DYSF: variants seen among roughly 807,000 people sequenced by gnomAD.
The protein encoded by DYSF is dysferlin, also known as dystrophy-associated fer-1-like 1.
In DYSF, 212 loss-of-function variants were observed where a neutral mutation model predicts 274.9. The ratio of observed to expected loss-of-function variants is 0.77; its 90% confidence interval spans 0.69 to 0.86. The LOEUF is 0.86. DYSF is among the 40% of genes least tolerant of loss of function. The pLI, the probability that DYSF is intolerant of heterozygous loss-of-function variation, is 0.00. For missense variants in DYSF, 2,666 were observed against 2,783.2 expected (o/e 0.96, Z 0.95); for synonymous variants, 1,091 against 1,078.7 (o/e 1.01, Z -0.22).
chr2:71,495,900 ACT>A (rs2084335992), intron 3 of DYSF, among the ~76,000 whole-genome samples: 1 of 150,028 alleles, frequency 6.7e-6, no homozygotes, highest in South Asian at 2.2e-4. Flanking sequence ...CATGGAGACC[ACT>A]CTCATTGGTG....
At chr2:71,612,428 G>A (rs542583317) in intron 38 of DYSF, among the ~76,000 whole-genome samples, 1 of 152,198 alleles carries the variant, frequency 6.6e-6, no homozygotes, top group Non-Finnish European at 1.5e-5. Flanking sequence ...GTAAAGCTGT[G>A]GGGGGAAAGC....
intron 6 of DYSF, among the ~76,000 whole-genome samples, 164 bp downstream of exon 6, chr2:71,513,496 A>G (rs1311614328): frequency 6.6e-6 from 1 of 152,186 alleles, no homozygotes; most frequent in East Asian, 1.9e-4. Flanking sequence ...CCTGTTGACT[A>G]ACTGGACTGA....
chr2:71,476,355 C>T (rs770325625), intron 1 of DYSF, among the ~76,000 whole-genome samples: 12 of 151,996 alleles, frequency 7.9e-5, no homozygotes, highest in Non-Finnish European at 1.6e-4. Flanking sequence ...AATTTGAGGC[C>T]AGCCTGGCCA....
upstream of DYSF, among the ~76,000 whole-genome samples, chr2:71,464,260 G>A (rs2081404658): frequency 6.6e-6 from 1 of 152,348 alleles, no homozygotes; most frequent in African/African-American, 2.4e-5. Context: ...TGGAGACCAT[G>A]CTTTGCACCA....
intron 51 of DYSF, among the ~76,000 whole-genome samples, chr2:71,671,742 C>G (rs1319193822): frequency 1.3e-5 from 2 of 152,128 alleles, no homozygotes; most frequent in African/African-American, 2.4e-5. Flanking sequence ...TCTGGGGACC[C>G]AGTTGTGGTT....
At chr2:71,501,892 T>A (rs910570449) in intron 3 of DYSF, among the ~76,000 whole-genome samples, 9 of 152,120 alleles carry the variant, frequency 5.9e-5, no homozygotes, top group Non-Finnish European at 1.3e-4. Flanking sequence ...CTGATTTCAA[T>A]TTTTTTGGGG....
chr2:71,569,518 A>G (rs1235443830), intron 26 of DYSF, among the ~76,000 whole-genome samples: 2 of 152,104 alleles, frequency 1.3e-5, no homozygotes, highest in South Asian at 2.1e-4. Flanking sequence ...ATAAAACTTT[A>G]TATTTTTACA....
rs776743681 is a variant in DYSF, at chr2:71,680,986, T to C, written c.6064-15T>C. ...AGCCTTCGTGCCCCTAACCAAGTGCTCTCTGTCCCCTCAGGGCAAGCTGGA... is the reference window on the plus strand; with the variant it reads ...AGCCTTCGTGCCCCTAACCAAGTGCCCTCTGTCCCCTCAGGGCAAGCTGGA... On this transcript the variant is annotated splice_polypyrimidine_tract_variant and intron_variant, in intron 53 of 55. Transcript: ENST00000410020. The C allele has an allele frequency of 1.2e-6, 2 of 1,613,400 alleles. No homozygotes were observed. The highest frequency in any genetic ancestry group is 2.2e-5 in the East Asian group (1 of 44,886).
intron 32 of DYSF, among the ~76,000 whole-genome samples, chr2:71,593,368 C>T (rs940253748): frequency 2.0e-5 from 3 of 152,044 alleles, no homozygotes; most frequent in East Asian, 1.9e-4. Context: ...TGACCTCAGG[C>T]GATTCACCCG....
chr2:71,523,559 T>G (rs1197674897), intron 12 of DYSF, among the ~76,000 whole-genome samples: 3 of 151,076 alleles, frequency 2.0e-5, no homozygotes, highest in Admixed American at 2.0e-4. Context: ...TTTTTTTTTT[T>G]TTTTTGAGAA....
At chr2:71,667,217 A>T (rs2095030354) in intron 47 of DYSF, among the ~76,000 whole-genome samples, 159 bp from the exon 48 acceptor site, 1 of 152,228 alleles carries the variant, frequency 6.6e-6, no homozygotes, top group Non-Finnish European at 1.5e-5. Flanking sequence ...AAAGTGAGAC[A>T]TGAGGACCAG....
intron 29 of DYSF, among the ~76,000 whole-genome samples, chr2:71,573,135 G>A (rs1280672603): frequency 1.3e-5 from 2 of 152,206 alleles, no homozygotes; most frequent in African/African-American, 2.4e-5. Flanking sequence ...GTAGCCTGTG[G>A]CATGACCTAG....
At chr2:71,543,744 C>G (rs888409723) in intron 17 of DYSF, among the ~76,000 whole-genome samples, 4 of 152,296 alleles carry the variant, frequency 2.6e-5, no homozygotes, top group Non-Finnish European at 4.4e-5. Flanking sequence ...CGCCTGCAAT[C>G]GCAGGCACTC....
intron 3 of DYSF, among the ~76,000 whole-genome samples, chr2:71,501,690 C>T (rs932836191): frequency 3.3e-5 from 5 of 152,196 alleles, no homozygotes; most frequent in African/African-American, 4.8e-5. Flanking sequence ...TTTCACTTTG[C>T]GGAATGTCTC....
chr2:71,686,203 C>T (rs60290461), intron 55 of DYSF, among the ~76,000 whole-genome samples: 14 of 152,194 alleles, frequency 9.2e-5, no homozygotes, highest in East Asian at 5.8e-4. Context: ...GGTGGAGTTT[C>T]GGAGGGTATG....
chr2:71,602,851 A>C (rs776030110), intron 36 of DYSF, 46 bp downstream of exon 36: 63 of 1,607,906 alleles, frequency 3.9e-5, no homozygotes, highest in Non-Finnish European at 1.8e-5. Context: ...AGGTAGAGGG[A>C]AGGTGAAGCC....
At chr2:71,492,327 G>A (rs2083925162) in intron 3 of DYSF, among the ~76,000 whole-genome samples, 1 of 152,182 alleles carries the variant, frequency 6.6e-6, no homozygotes, top group Admixed American at 6.5e-5. Context: ...ATAGCGGAGA[G>A]CTGGAGGGGC....
intron 43 of DYSF, among the ~76,000 whole-genome samples, chr2:71,658,248 C>A (rs1414590199): frequency 6.6e-6 from 1 of 152,190 alleles, no homozygotes; most frequent in African/African-American, 2.4e-5. Context: ...CCAACAAGTT[C>A]CCCATCTCTA....
At chr2:71,461,723 G>A (rs1294139716), upstream of DYSF, among the ~76,000 whole-genome samples, 1 of 152,234 alleles carries the variant, frequency 6.6e-6, no homozygotes, top group African/African-American at 2.4e-5. Context: ...GGAGAGGGTG[G>A]TGGTAAGACT....
Sources: allele counts gnomAD v4.1 joint callset (sites outside exome capture counted in the v4.1 genomes callset), GRCh38; gene constraint gnomAD v4.1.1; transcripts MANE v1.5; gene names NCBI Gene and HGNC (gene_info 2026-07-23, HGNC 2026-07-21).